CAMK1D: variants seen among roughly 807,000 people sequenced by gnomAD.
CAMK1D encodes the protein calcium/calmodulin-dependent protein kinase type 1D.
A neutral mutation model predicts 47.7 loss-of-function variants in CAMK1D; 9 were observed. The ratio of observed to expected loss-of-function variants is 0.19; its 90% CI spans 0.11 to 0.33. The LOEUF (loss-of-function observed/expected upper bound fraction) is 0.33, where lower values mean the gene tolerates loss of function less well. CAMK1D is among the 10% of genes least tolerant of loss of function. CAMK1D has a pLI of 1.00. For missense variants in CAMK1D, 291 were observed against 488.7 expected, an observed-to-expected ratio of 0.60 and a Z score of 3.81; for synonymous variants, 184 against 184.9, an observed-to-expected ratio of 0.99 and a Z score of 0.04.
intron 1 of CAMK1D, among the ~76,000 whole-genome samples, chr10:12,521,739 A>G (rs1391418860): frequency 6.6e-6 from 1 of 152,146 alleles, no homozygotes; most frequent in African/African-American, 2.4e-5. Flanking sequence ...TCTTTCAGTT[A>G]TTGCCTCACA....
At chr10:12,520,665 G>A (rs1183591650) in intron 1 of CAMK1D, among the ~76,000 whole-genome samples, 1 of 48,372 alleles carries the variant, frequency 2.1e-5, no homozygotes, top group African/African-American at 8.2e-5. Context: ...ACGAGACTCC[G>A]TCTGCAATCC....
intron 3 of CAMK1D, among the ~76,000 whole-genome samples, chr10:12,712,766 G>A (rs920094265): frequency 2.0e-5 from 3 of 152,130 alleles, no homozygotes; most frequent in Non-Finnish European, 2.9e-5. Flanking sequence ...GTCCATAACG[G>A]AGGGGAAGAT....
At chr10:12,818,309 A>AT (rs1243829902) in intron 8 of CAMK1D, among the ~76,000 whole-genome samples, 1 of 152,178 alleles carries the variant, frequency 6.6e-6, no homozygotes, top group Non-Finnish European at 1.5e-5. Context: ...TAATTGCTCT[A>AT]ATGTATTGTC....
At chr10:12,533,916 C>T (rs1269753890) in intron 1 of CAMK1D, among the ~76,000 whole-genome samples, 2 of 152,192 alleles carry the variant, frequency 1.3e-5, no homozygotes, top group Admixed American at 1.3e-4. Context: ...AAGCTGATTG[C>T]TGGAGATCCA....
chr10:12,392,022 G>A (rs915658547), intron 1 of CAMK1D, among the ~76,000 whole-genome samples: 5 of 129,968 alleles, frequency 3.8e-5, no homozygotes, highest in Admixed American at 7.4e-5. Flanking sequence ...CACACAAACA[G>A]TCTGGGTATG....
At position 12,769,751 on chromosome 10, in the gene CAMK1D, G is replaced by A. The variant is rs772247725; in HGVS notation, c.517G>A (p.Gly173Ser). Residue 173 changes from glycine to serine, a missense_variant, in exon 5 of 11, where the codon GGC becomes AGC. Gly to Ser is a moderately conservative substitution (Grantham distance 56, BLOSUM62 0). Coordinates refer to ENST00000619168, the MANE Select transcript of CAMK1D (RefSeq NM_153498.4). The stretch of plus-strand genomic sequence containing the variant: ...TGACTTTGGATTGTCAAAAATGGAG[G>A]GCAAAGGAGATGTGATGTCCACTGC... The part of the protein sequence containing the change: ...ISDFGLSKME[G>S]KGDVMSTACG... 3 of 1,614,064 alleles carry A rather than the reference G, an allele frequency of 1.9e-6. No homozygotes were observed. The highest frequency in any genetic ancestry group is 2.5e-6 in the Non-Finnish European group (3 of 1,180,028).
rs1365469895 is a variant in CAMK1D at position 12,449,157 on chromosome 10, T to TA, written c.92+99248dup. Among the ~76,000 whole-genome samples, 4 of 152,272 alleles carry TA rather than the reference T, an allele frequency of 2.6e-5. No individual in the cohort carries two copies. In the East Asian group the frequency reaches 7.7e-4, roughly 29 times the overall value. On this transcript the variant is annotated intron_variant, in intron 1 of 10. Transcript: ENST00000619168. Reference sequence around the variant, plus strand: ...GAACAAATGTTACCTGGGCCGATGTTACATGAGTATTTGGCCATTAAAATC... The same window carrying TA: ...GAACAAATGTTACCTGGGCCGATGTTAACATGAGTATTTGGCCATTAAAATC...
At chr10:12,427,572 C>T (rs527693584) in intron 1 of CAMK1D, among the ~76,000 whole-genome samples, 2 of 152,070 alleles carry the variant, frequency 1.3e-5, no homozygotes, top group African/African-American at 4.8e-5. Flanking sequence ...TAACCAGCGC[C>T]CCAGCCTGGC....
At chr10:12,665,113 T>G (rs1840387941) in intron 2 of CAMK1D, among the ~76,000 whole-genome samples, 1 of 152,214 alleles carries the variant, frequency 6.6e-6, no homozygotes, top group African/African-American at 2.4e-5. Context: ...GCTGGTAGTA[T>G]CTTGCTCAGA....
chr10:12,399,594 C>A (rs1839099318), intron 1 of CAMK1D, among the ~76,000 whole-genome samples: 1 of 152,098 alleles, frequency 6.6e-6, no homozygotes, highest in African/African-American at 2.4e-5. Flanking sequence ...TGGGACACCC[C>A]TACTATGACA....
intron 1 of CAMK1D, among the ~76,000 whole-genome samples, chr10:12,528,442 G>A (rs1048229890): frequency 6.6e-6 from 1 of 152,344 alleles, no homozygotes; most frequent in East Asian, 1.9e-4. Context: ...ACTTGCAGAA[G>A]AGGTGCCAGT....
chr10:12,503,173 T>C (rs1834759743), intron 1 of CAMK1D, among the ~76,000 whole-genome samples: 1 of 152,194 alleles, frequency 6.6e-6, no homozygotes. Flanking sequence ...TGTGTGTATA[T>C]GTGTATATAT....
At chr10:12,528,594 G>C (rs1240234248) in intron 1 of CAMK1D, among the ~76,000 whole-genome samples, 1 of 152,120 alleles carries the variant, frequency 6.6e-6, no homozygotes, top group Non-Finnish European at 1.5e-5. Context: ...AGAGACTCCC[G>C]GGGTCTAAGC....
intron 3 of CAMK1D, among the ~76,000 whole-genome samples, chr10:12,713,640 A>G (rs1435736109): frequency 6.6e-6 from 1 of 152,184 alleles, no homozygotes; most frequent in South Asian, 2.1e-4. Context: ...GGACCCCTAC[A>G]TGTCCTCCCT....
chr10:12,633,325 G>A (rs1231995080), intron 2 of CAMK1D, among the ~76,000 whole-genome samples: 1 of 152,164 alleles, frequency 6.6e-6, no homozygotes, highest in Non-Finnish European at 1.5e-5. Flanking sequence ...CTTTTTCCCT[G>A]AGAAGAAGCT....
At chr10:12,667,641 T>A (rs1031101877) in intron 3 of CAMK1D, among the ~76,000 whole-genome samples, 1 of 152,238 alleles carries the variant, frequency 6.6e-6, no homozygotes, top group Non-Finnish European at 1.5e-5. Context: ...TAAGATTAAG[T>A]TTAATGACTG....
intron 2 of CAMK1D, among the ~76,000 whole-genome samples, chr10:12,616,691 C>A (rs186033990): frequency 1.3e-5 from 2 of 152,156 alleles, no homozygotes; most frequent in African/African-American, 4.8e-5. Context: ...CTAATTTTTT[C>A]TATTTGTAGT....
chr10:12,586,453 G>GAAAAAAAAAAAAAAAAAAAA (rs201388483), intron 2 of CAMK1D, among the ~76,000 whole-genome samples: 1 of 111,722 alleles, frequency 9.0e-6, no homozygotes, highest in African/African-American at 3.3e-5. Flanking sequence ...CCTCTCAAAA[G>GAAAAAAAAAAAAAAAAAAAA]AAAAAAAAAA....
chr10:12,434,904 A>G (rs761594809), intron 1 of CAMK1D, among the ~76,000 whole-genome samples: 1 of 152,114 alleles, frequency 6.6e-6, no homozygotes, highest in Non-Finnish European at 1.5e-5. Flanking sequence ...TCTTTGAGAA[A>G]GCAGCCCAGG....
Sources: allele counts gnomAD v4.1 joint callset (sites outside exome capture counted in the v4.1 genomes callset), GRCh38; gene constraint gnomAD v4.1.1; transcripts MANE v1.5; gene names NCBI Gene and HGNC (gene_info 2026-07-23, HGNC 2026-07-21).